The following PCDHGB4 variants were observed in gnomAD, a reference collection of about 807,000 sequenced individuals.
The protein encoded by PCDHGB4 is protocadherin gamma subfamily B, 4.
Under a neutral mutation model 60.5 loss-of-function variants are expected in PCDHGB4, and 38 were observed. The observed-to-expected ratio is 0.63, with a 90% CI of 0.48 to 0.82. The LOEUF (loss-of-function observed/expected upper bound fraction) is 0.82. Ranked by LOEUF, PCDHGB4 falls within the 40% of genes least tolerant of loss-of-function variation. The probability of loss-of-function intolerance (pLI) is 0.00; values close to 1 mark genes in which losing one functional copy is unlikely to be tolerated. For synonymous variants in PCDHGB4, 456 were observed against 509.7 expected, an observed-to-expected ratio of 0.89 and a Z score of 1.42; for missense variants, 1,109 against 1,209.6, an observed-to-expected ratio of 0.92 and a Z score of 1.23.
At chr5:141,403,905 A>G in intron 1 of PCDHGB4, 1 of 1,613,894 alleles carries the variant, frequency 6.2e-7, no homozygotes, top group Non-Finnish European at 8.5e-7. Context: ...TATGAAATGG[A>G]AATACAAGCT....
At position 141,388,006 on chromosome 5, in the gene PCDHGB4, T is replaced by C. The variant is rs1353495946; in HGVS notation, c.122T>C (p.Met41Thr). The C allele has an allele frequency of 6.7e-7, 1 of 1,482,372 alleles. No individual in the cohort carries two copies. Among genetic ancestry groups the C allele is most frequent in the African/African-American group, 1.4e-5 (1 of 70,470 alleles). The allele number at this position is 1,482,372 out of a possible 1,614,324, so 91.8% of individuals were successfully genotyped here. A position where few individuals can be genotyped will look rare whatever the true frequency, so the allele number is the denominator to read the frequency against. ...ATCCGCTACAGGATTCCCGAGGAAA[T>C]GCCCAAGGGCTCCGTAGTGGGGAAC... ...EQIRYRIPEE[M>T]PKGSVVGNLA... The change falls in exon 1 of 4, where the codon ATG (methionine) becomes ACG (threonine). Residue 41 changes from methionine (M) to threonine (T), a missense_variant. Coordinates refer to ENST00000519479, the MANE Select transcript of PCDHGB4 (RefSeq NM_003736.4).
At chr5:141,502,542 A>G (rs2099814957) in intron 2 of PCDHGB4, among the ~76,000 whole-genome samples, 1 of 152,216 alleles carries the variant, frequency 6.6e-6, no homozygotes, top group Admixed American at 6.5e-5. Context: ...TTCGTGTGGT[A>G]AAAACAGTGT....
At position 141,476,326 on chromosome 5, in the gene PCDHGB4, T is replaced by A. The variant is rs752845438; in HGVS notation, c.2398-18481T>A. Reference sequence around the variant, plus strand: ...CAGCCCGCAGGTTCCGGGTGGTGTCTGGAGCTAGCCGAAGATTCTTTGAGG... The same window carrying A: ...CAGCCCGCAGGTTCCGGGTGGTGTCAGGAGCTAGCCGAAGATTCTTTGAGG... On this transcript the variant is annotated intron_variant, in intron 1 of 3. Coordinates refer to ENST00000519479, the MANE Select transcript of PCDHGB4 (RefSeq NM_003736.4). This position sits in a 1 kb window ranked among gnomAD's most constrained non-coding sequence, Gnocchi z 7.6. The A allele has an allele frequency of 6.2e-7, 1 of 1,614,120 alleles. No individual in the cohort carries two copies. Among genetic ancestry groups the A allele is most frequent in the Non-Finnish European group, 8.5e-7 (1 of 1,180,034 alleles).
chr5:141,422,360 G>C (rs766368774), intron 1 of PCDHGB4: 1 of 1,559,254 alleles, frequency 6.4e-7, no homozygotes, highest in African/African-American at 1.4e-5. Context: ...CAAGATTCTG[G>C]AGAAAATGGT....
At chr5:141,507,815 C>G (rs936926937) in intron 3 of PCDHGB4, among the ~76,000 whole-genome samples, 2 of 152,204 alleles carry the variant, frequency 1.3e-5, no homozygotes, top group African/African-American at 4.8e-5. Context: ...GGAACGGACC[C>G]TGGGGGTGGA....
At chr5:141,439,668 A>C (rs944454917) in intron 1 of PCDHGB4, among the ~76,000 whole-genome samples, 1 of 152,230 alleles carries the variant, frequency 6.6e-6, no homozygotes, top group Non-Finnish European at 1.5e-5. Context: ...CATGGAATGC[A>C]AATCCAAGAG....
chr5:141,502,062 A>G (rs530211521), intron 2 of PCDHGB4, among the ~76,000 whole-genome samples: 2 of 152,146 alleles, frequency 1.3e-5, no homozygotes, highest in South Asian at 4.2e-4. Flanking sequence ...TATTCCCATT[A>G]GCCCCCTTCA....
At chr5:141,395,259 C>CT in intron 1 of PCDHGB4, 1 of 1,551,968 alleles carries the variant, frequency 6.4e-7, no homozygotes, top group Non-Finnish European at 8.7e-7. Flanking sequence ...TCTTTGCTTG[C>CT]TTTTAATTTC....
At chr5:141,424,776 A>C (rs1406581367) in intron 1 of PCDHGB4, 2 of 152,154 alleles carry the variant, frequency 1.3e-5, no homozygotes, top group African/African-American at 4.8e-5. Context: ...CAAATAGTAC[A>C]TTCAGTTCTT....
rs201378410 is a variant in PCDHGB4, at chr5:141,414,802, G to T, written c.2397+24521G>T. Reference sequence around the variant, plus strand: ...GCAGGTGACAGCCAGCGACAGCGGGGATCCTCCACTCAGCAGCAACGTGTC... The same window carrying T: ...GCAGGTGACAGCCAGCGACAGCGGGTATCCTCCACTCAGCAGCAACGTGTC... On this transcript the variant is annotated intron_variant, in intron 1 of 3. Coordinates refer to ENST00000519479, the MANE Select transcript of PCDHGB4 (RefSeq NM_003736.4). The T allele has an allele frequency of 4.3e-6, 7 of 1,614,226 alleles. No homozygotes were observed. The African/African-American group carries it at 8.0e-5, about 18-fold the overall frequency.
intron 1 of PCDHGB4, chr5:141,399,111 A>G (rs1561667842): frequency 1.9e-6 from 3 of 1,613,732 alleles, no homozygotes; most frequent in East Asian, 2.2e-5. Context: ...CACAATGTAC[A>G]GTTGAAATTA....
chr5:141,441,884 C>A (rs2098281796), intron 1 of PCDHGB4: 10 of 343,702 alleles, frequency 2.9e-5, no homozygotes, highest in South Asian at 2.6e-4. Context: ...TACCTGGTCA[C>A]CAAGGTGGTG....
chr5:141,480,955 G>A (rs2154578440), intron 1 of PCDHGB4, among the ~76,000 whole-genome samples: 1 of 152,304 alleles, frequency 6.6e-6, no homozygotes, highest in South Asian at 2.1e-4. Context: ...TGAGGCGGAA[G>A]CATCAGTGAG....
intron 1 of PCDHGB4, chr5:141,415,268 T>C: frequency 6.2e-7 from 1 of 1,614,174 alleles, no homozygotes; most frequent in Non-Finnish European, 8.5e-7. Flanking sequence ...CTGTACCTGG[T>C]GGTAGCGGTG....
In PCDHGB4 at chr5:141,489,094, G is replaced by T; in HGVS notation, c.2398-5713G>T. The T allele has an allele frequency of 1.5e-5, 6 of 395,994 alleles. No homozygotes were observed. The highest frequency in any genetic ancestry group is 4.1e-5 in the East Asian group (1 of 24,388). The allele number at this position is 395,994 out of a possible 1,614,324, so 24.5% of individuals were successfully genotyped here. ...CCCACCCCCGCCACTCGGTGACTAA[G>T]AACTGCTGCAAGCAGGCAAACCTCC... On this transcript the variant is annotated intron_variant, in intron 1 of 3. Coordinates refer to ENST00000519479, the MANE Select transcript of PCDHGB4 (RefSeq NM_003736.4). This position sits in a 1 kb window ranked among gnomAD's most constrained non-coding sequence, Gnocchi z 4.5.
intron 2 of PCDHGB4, among the ~76,000 whole-genome samples, chr5:141,501,290 TACACACACACACACACACACACAC>T (rs55762287): frequency 7.3e-6 from 1 of 136,162 alleles, no homozygotes; most frequent in African/African-American, 2.7e-5. Flanking sequence ...TATTCCCTTA[TACACACACACACACACACACACAC>T]ACACACACAC....
At chr5:141,407,370 A>G (rs1434825695) in intron 1 of PCDHGB4, among the ~76,000 whole-genome samples, 2 of 152,228 alleles carry the variant, frequency 1.3e-5, no homozygotes, top group Non-Finnish European at 2.9e-5. Flanking sequence ...ACAGATATCC[A>G]TGAAGGCTTG....
chr5:141,399,133 G>T (rs1054849184), intron 1 of PCDHGB4: 2 of 1,613,832 alleles, frequency 1.2e-6, no homozygotes, highest in African/African-American at 1.3e-5. Flanking sequence ...TATTCAAGAT[G>T]AAAATGACAA....
intron 1 of PCDHGB4, chr5:141,422,041 G>A (rs371079504): frequency 2.1e-5 from 34 of 1,611,632 alleles, no homozygotes; most frequent in Non-Finnish European, 2.9e-5. Flanking sequence ...GGATCCAGAC[G>A]AGGGAATCAA....
Sources: gnomAD v4.1 joint callset for allele counts (sites outside exome capture counted in the v4.1 genomes callset) on GRCh38, gnomAD v4.1.1 for gene constraint, Gnocchi (gnomAD v3.1) non-coding constraint, MANE v1.5 for transcripts, NCBI Gene and HGNC (gene_info 2026-07-23, HGNC 2026-07-21) for gene names.